Variants in AXIN1 observed in about 807,000 individuals in gnomAD.
The protein encoded by AXIN1 is axin-1.
AXIN1 carries 30 observed loss-of-function variants against 76.4 expected under a neutral mutation model. That is an observed-to-expected ratio of 0.39 (90% CI 0.29 to 0.53). AXIN1 has a LOEUF of 0.53. Ranked by LOEUF, AXIN1 falls within the 20% of genes least tolerant of loss-of-function variation. The pLI is 0.66. For missense variants in AXIN1, 1,140 were observed against 1,198.8 expected (o/e 0.95, Z 0.72); for synonymous variants, 545 against 501.4 (o/e 1.09, Z -1.16).
intron 2 of AXIN1, among the ~76,000 whole-genome samples, chr16:340,472 A>C (rs1306034965): frequency 6.6e-6 from 1 of 152,266 alleles, no homozygotes; most frequent in Non-Finnish European, 1.5e-5. Flanking sequence ...ATGCAAGGCC[A>C]GCCCTGAAGG....
rs193286535 is a variant in AXIN1 at position 341,515 on chromosome 16, G to C, written c.878+4633C>G. ...TGCCTTCCTGCAGGGCAGGGCTCGGGAGCTGCAGCCCGCCATGCCTAAGCC... is the reference window on the plus strand; with the variant it reads ...TGCCTTCCTGCAGGGCAGGGCTCGGCAGCTGCAGCCCGCCATGCCTAAGCC... On this transcript the variant is annotated intron_variant, in intron 2 of 10. Coordinates refer to ENST00000262320, the MANE Select transcript of AXIN1 (RefSeq NM_003502.4). Among the ~76,000 whole-genome samples the C allele has an allele frequency of 4.6e-3, 705 of 152,370 alleles. 6 individuals are homozygous for C. Among genetic ancestry groups the C allele is most frequent in the Non-Finnish European group, 7.1e-3 (481 of 68,026 alleles).
chr16:310,632 C>T (rs917885873), intron 3 of AXIN1, among the ~76,000 whole-genome samples: 2 of 152,232 alleles, frequency 1.3e-5, no homozygotes, highest in African/African-American at 2.4e-5. Context: ...CTCCTGACCT[C>T]GTGATCCGCC....
chr16:323,048 G>A (rs942892478), intron 2 of AXIN1, among the ~76,000 whole-genome samples: 1 of 152,206 alleles, frequency 6.6e-6, no homozygotes, highest in Non-Finnish European at 1.5e-5. Context: ...CAGCACTTGG[G>A]AGACTGAGGT....
rs894712764 is a variant in AXIN1, at chr16:352,616, C to T, written c.-329G>A. ...GCGTGGACGCGGCTCCGGGCCGACT[C>T]CGGCCGGCTCTGGCGGCGGCAGCGG... On this transcript the variant is annotated 5_prime_UTR_variant, in exon 1 of 11. Transcript: ENST00000262320. The T allele has an allele frequency of 1.9e-3, 307 of 162,368 alleles. No individual in the cohort carries two copies. Among genetic ancestry groups the T allele is most frequent in the Non-Finnish European group, 3.1e-3 (245 of 78,046 alleles). 10.1% of individuals were successfully genotyped at this position (162,368 alleles called of 1,614,324 possible).
chr16:338,797 C>A lies in AXIN1; in HGVS notation c.878+7351G>T, dbSNP rs879402403. On this transcript the variant is annotated intron_variant, in intron 2 of 10. Transcript: ENST00000262320. ...AAGTAGCCAGGAGTGGGGGCATGCACCTGTAATCCCAGCTACTCGGGAGGC... is the reference window on the plus strand; with the variant it reads ...AAGTAGCCAGGAGTGGGGGCATGCAACTGTAATCCCAGCTACTCGGGAGGC... Among the ~76,000 whole-genome samples, 3 of 152,136 alleles carry A rather than the reference C, an allele frequency of 2.0e-5. No individual in the cohort carries two copies. In the East Asian group the frequency reaches 5.8e-4, roughly 29 times the overall value.
intron 2 of AXIN1, among the ~76,000 whole-genome samples, chr16:334,538 CA>C: frequency 6.7e-6 from 1 of 149,478 alleles, no homozygotes; most frequent in Non-Finnish European, 1.5e-5. Flanking sequence ...CCCAGTACCA[CA>C]GCATGCCAAT....
chr16:334,991 C>T (rs1192016899), intron 2 of AXIN1, among the ~76,000 whole-genome samples: 4 of 152,122 alleles, frequency 2.6e-5, no homozygotes, highest in African/African-American at 9.7e-5. Flanking sequence ...AAAGGAGTTT[C>T]ACTTTACCCA....
intron 10 of AXIN1, 38 bp downstream of exon 10, chr16:289,402 C>T (rs1465227220): frequency 1.6e-5 from 26 of 1,611,696 alleles, no homozygotes; most frequent in Non-Finnish European, 2.2e-5. Flanking sequence ...CACCCACATA[C>T]TCGTGCGGGG....
intron 2 of AXIN1, among the ~76,000 whole-genome samples, chr16:324,038 A>G (rs1366412175): frequency 1.3e-5 from 2 of 152,152 alleles, no homozygotes; most frequent in Non-Finnish European, 2.9e-5. Flanking sequence ...GAAGCCCCGT[A>G]GCCCACAGGA....
At position 294,446 on chromosome 16, in the gene AXIN1, G is replaced by C. The variant is rs1278798867; in HGVS notation, c.1956-728C>G. Among the ~76,000 whole-genome samples, 5 of 122,298 alleles carry C rather than the reference G, an allele frequency of 4.1e-5. No homozygotes were observed. In the South Asian group the frequency reaches 1.4e-3, roughly 34 times the overall value. 80.2% of individuals were successfully genotyped at this position (122,298 alleles called of 152,430 possible). ...CCACTGCACTCCAGCCTAGGCAAGA[G>C]TGAGACTCCATCTCAAAAAAAAAAA... is the stretch of plus-strand genomic sequence containing the variant. On this transcript the variant is annotated intron_variant, in intron 7 of 10. Coordinates refer to ENST00000262320, the MANE Select transcript of AXIN1 (RefSeq NM_003502.4).
At chr16:313,736 C>T (rs1211561671) in intron 3 of AXIN1, among the ~76,000 whole-genome samples, 2 of 152,258 alleles carry the variant, frequency 1.3e-5, no homozygotes, top group East Asian at 3.8e-4. Context: ...CCTACTGCAA[C>T]AAGACTGTTG....
intron 2 of AXIN1, among the ~76,000 whole-genome samples, chr16:326,372 A>AAAAT (rs1380874299): frequency 2.5e-3 from 215 of 86,432 alleles, no homozygotes; most frequent in African/African-American, 8.9e-3. Context: ...AAAAAAAAAA[A>AAAAT]ATATATATAT....
At chr16:329,913 G>T (rs1383046224) in intron 2 of AXIN1, among the ~76,000 whole-genome samples, 1 of 151,816 alleles carries the variant, frequency 6.6e-6, no homozygotes, top group Non-Finnish European at 1.5e-5. Context: ...GATAACAGGC[G>T]TGAGCCACCG....
rs982899680 is a variant in AXIN1 at position 287,783 on chromosome 16, G to GAAAGT, written c.*334_*338dup. 7 of 453,580 alleles carry GAAAGT rather than the reference G, an allele frequency of 1.5e-5. No homozygotes were observed. The Admixed American group carries it at 2.1e-4, about 13-fold the overall frequency. The allele number at this position is 453,580 out of a possible 1,614,324, so 28.1% of individuals were successfully genotyped here. On this transcript the variant is annotated 3_prime_UTR_variant, in exon 11 of 11. Transcript: ENST00000262320. Reference sequence around the variant, plus strand: ...TGGGTACGTGGGCAAATCCCAGAGGGAAAGTAGATCCCAGCACACGTGCCC... The same window carrying GAAAGT: ...TGGGTACGTGGGCAAATCCCAGAGGGAAAGTAAAGTAGATCCCAGCACACGTGCCC...
rs1052674971 is a variant in AXIN1 at position 300,026 on chromosome 16, G to A, written c.1255-1775C>T. 3.3e-5 allele frequency among the ~76,000 whole-genome samples: 5 copies of A among 151,542 alleles called. No individual in the cohort carries two copies. The South Asian group carries it at 8.3e-4, about 25-fold the overall frequency. On this transcript the variant is annotated intron_variant, in intron 5 of 10. Transcript: ENST00000262320. ...TGTCCCAGGCTGTAGTGCAATCTCCGCCTCCCGGGTTCAAGTAATTCTCCT... is the reference window on the plus strand; with the variant it reads ...TGTCCCAGGCTGTAGTGCAATCTCCACCTCCCGGGTTCAAGTAATTCTCCT...
intron 2 of AXIN1, among the ~76,000 whole-genome samples, chr16:340,556 C>T (rs2053896153): frequency 6.6e-6 from 1 of 152,234 alleles, no homozygotes; most frequent in South Asian, 2.1e-4. Flanking sequence ...AGGCCCTGGG[C>T]CTCCCGCCCA....
chr16:316,950 ACAAGATAAC>A (rs2053316665), intron 2 of AXIN1, among the ~76,000 whole-genome samples: 1 of 152,200 alleles, frequency 6.6e-6, no homozygotes, highest in Admixed American at 6.5e-5. Context: ...TCACAGTGAC[ACAAGATAAC>A]CAAGACACCT....
At chr16:310,145 C>A in intron 3 of AXIN1, 76 bp from the exon 4 acceptor site, 1 of 1,378,934 alleles carries the variant, frequency 7.3e-7, no homozygotes, top group South Asian at 1.2e-5. Context: ...GAGCTCCTGG[C>A]CCCGACCGCC....
At chr16:292,316 T>A (rs1798344736) in intron 8 of AXIN1, 1 of 152,244 alleles carries the variant, frequency 6.6e-6, no homozygotes, top group African/African-American at 2.4e-5. Context: ...AGATGTTTGG[T>A]CATAAAGTGG....
Sources: allele counts gnomAD v4.1 joint callset (sites outside exome capture counted in the v4.1 genomes callset), GRCh38; gene constraint gnomAD v4.1.1; transcripts MANE v1.5; gene names NCBI Gene and HGNC (gene_info 2026-07-23, HGNC 2026-07-21).